The following SNX13 variants were observed in gnomAD, a reference collection of about 807,000 sequenced individuals.
The protein encoded by SNX13 is sorting nexin 13, also known as sorting nexin-13.
In SNX13, 45 loss-of-function variants were observed where a neutral mutation model predicts 133.6. That is an observed-to-expected ratio of 0.34 (90% CI 0.27 to 0.43). The LOEUF is 0.43. SNX13 is among the 20% of genes least tolerant of loss of function. SNX13 has a pLI of 1.00. For synonymous variants in SNX13, 414 were observed against 373.9 expected (o/e 1.11, Z -1.24); for missense variants, 1,032 against 1,145.1 (o/e 0.90, Z 1.43).
chr7:17,928,005 T>G (rs183100924), intron 1 of SNX13, among the ~76,000 whole-genome samples: 8 of 152,324 alleles, frequency 5.3e-5, no homozygotes. Context: ...CATACAGGAC[T>G]ACAATACAAT....
intron 1 of SNX13, among the ~76,000 whole-genome samples, chr7:17,910,882 C>T (rs150154737): frequency 6.6e-6 from 1 of 152,088 alleles, no homozygotes; most frequent in South Asian, 2.1e-4. Flanking sequence ...GTGACTGCCA[C>T]GGGCTGGGGC....
At chr7:17,805,769 A>G (rs1029605684) in intron 20 of SNX13, among the ~76,000 whole-genome samples, 10 of 152,218 alleles carry the variant, frequency 6.6e-5, no homozygotes, top group African/African-American at 2.4e-4. Flanking sequence ...GAATTTCCTA[A>G]TTAAAAATAG....
intron 1 of SNX13, among the ~76,000 whole-genome samples, chr7:17,906,034 C>G (rs946805849): frequency 1.3e-5 from 2 of 152,126 alleles, no homozygotes; most frequent in Admixed American, 1.3e-4. Context: ...GAATATGATT[C>G]TTACTCAACA....
intron 3 of SNX13, among the ~76,000 whole-genome samples, chr7:17,891,995 C>T (rs921757135): frequency 1.4e-4 from 21 of 152,052 alleles, no homozygotes; most frequent in Non-Finnish European, 2.8e-4. Flanking sequence ...CCTCCCCTTT[C>T]CCAGCCCAAA....
At chr7:17,940,048 G>A (rs1458201820) in intron 1 of SNX13, among the ~76,000 whole-genome samples, 2 of 152,192 alleles carry the variant, frequency 1.3e-5, no homozygotes, top group Non-Finnish European at 2.9e-5. Context: ...TGCCAGGGGC[G>A]AGTGGCAAGT....
At chr7:17,858,919 T>C (rs551552033) in intron 9 of SNX13, among the ~76,000 whole-genome samples, 1 of 152,046 alleles carries the variant, frequency 6.6e-6, no homozygotes, top group Non-Finnish European at 1.5e-5. Context: ...ATTTTAAAAA[T>C]CAATCTAAAC....
At chr7:17,920,356 T>C (rs1799997201) in intron 1 of SNX13, among the ~76,000 whole-genome samples, 1 of 152,192 alleles carries the variant, frequency 6.6e-6, no homozygotes, top group Non-Finnish European at 1.5e-5. Context: ...ACCAAAAATA[T>C]ATTTGAATAT....
chr7:17,836,060 C>T (rs1381171830), intron 13 of SNX13, among the ~76,000 whole-genome samples: 1 of 151,904 alleles, frequency 6.6e-6, no homozygotes, highest in Non-Finnish European at 1.5e-5. Context: ...GAATTTGAAA[C>T]ATCATATTTT....
intron 9 of SNX13, 55 bp downstream of exon 9, chr7:17,868,352 T>C: frequency 7.5e-7 from 1 of 1,340,462 alleles, no homozygotes; most frequent in Non-Finnish European, 1.0e-6. Flanking sequence ...CAACTATATT[T>C]TTACATTTCA....
chr7:17,935,969 C>A (rs1801973775), intron 1 of SNX13, among the ~76,000 whole-genome samples: 1 of 152,120 alleles, frequency 6.6e-6, no homozygotes, highest in Non-Finnish European at 1.5e-5. Context: ...GGCAAGACAA[C>A]TGTGTGTGAG....
intron 5 of SNX13, chr7:17,882,753 T>A: frequency 8.8e-7 from 1 of 1,133,694 alleles, no homozygotes; most frequent in Non-Finnish European, 1.1e-6. Context: ...ATCTTACTAT[T>A]TTAGAACTGA....
chr7:17,918,819 A>G (rs1799828256), intron 1 of SNX13, among the ~76,000 whole-genome samples: 1 of 152,234 alleles, frequency 6.6e-6, no homozygotes, highest in African/African-American at 2.4e-5. Context: ...TTATCACAGT[A>G]CTATTCACAA....
intron 11 of SNX13, among the ~76,000 whole-genome samples, chr7:17,846,141 A>C (rs1185179268): frequency 1.3e-5 from 2 of 152,152 alleles, no homozygotes. Flanking sequence ...AACTCAGTAA[A>C]ATCTCTAATT....
rs1785403609 is a variant in SNX13 at position 17,807,168 on chromosome 7, C to T, written c.2065-3588G>A. On this transcript the variant is annotated intron_variant, in intron 20 of 25. Transcript: ENST00000428135. ...AGCCAAGTGGTCTAGCTCAGCAGAT[C>T]CCACCCCCACGGAGCCCAGCAAGCT... Among the ~76,000 whole-genome samples the T allele has an allele frequency of 2.6e-5, 4 of 152,238 alleles. No homozygotes were observed. The South Asian group carries it at 8.3e-4, about 32-fold the overall frequency.
intron 6 of SNX13, 37 bp from the exon 7 acceptor site, chr7:17,875,618 A>C (rs1454712118): frequency 6.2e-7 from 1 of 1,608,386 alleles, no homozygotes; most frequent in East Asian, 2.2e-5. Context: ...AAAATGATGA[A>C]AGGAAAACAG....
At chr7:17,834,404 C>T (rs751740297) in intron 14 of SNX13, among the ~76,000 whole-genome samples, 1 of 151,742 alleles carries the variant, frequency 6.6e-6, no homozygotes, top group Non-Finnish European at 1.5e-5. Flanking sequence ...TCACAGACAG[C>T]ACATTCTAGG....
At chr7:17,913,828 C>T (rs1254533300) in intron 1 of SNX13, among the ~76,000 whole-genome samples, 1 of 146,208 alleles carries the variant, frequency 6.8e-6, no homozygotes, top group Non-Finnish European at 1.5e-5. Context: ...AGCACAAGAA[C>T]TCCGACAATA....
rs78936398 is a variant in SNX13, at chr7:17,802,258, G to A, written c.2227-599C>T. ...ATGCTCCCAGATGATGAAATCGCCC[G>A]GTGACACATTTCTCAGAACATATCC... On this transcript the variant is annotated intron_variant, in intron 21 of 25. Transcript: ENST00000428135. Among the ~76,000 whole-genome samples, 323 of 152,050 alleles carry A rather than the reference G, an allele frequency of 2.1e-3. 11 individuals carry two copies. In the East Asian group the frequency reaches 0.054, roughly 25 times the overall value.
chr7:17,866,518 A>G (rs1479731420), intron 9 of SNX13, among the ~76,000 whole-genome samples: 1 of 152,214 alleles, frequency 6.6e-6, no homozygotes, highest in Non-Finnish European at 1.5e-5. Context: ...AGAAATGGAT[A>G]AAGAAAACAT....
Sources: allele counts gnomAD v4.1 joint callset (sites outside exome capture counted in the v4.1 genomes callset), GRCh38; gene constraint gnomAD v4.1.1; transcripts MANE v1.5; gene names NCBI Gene and HGNC (gene_info 2026-07-23, HGNC 2026-07-21).